ARAP3: variants seen among roughly 807,000 people sequenced by gnomAD.
The protein encoded by ARAP3 is ArfGAP with RhoGAP domain, ankyrin repeat and PH domain 3, also known as arf-GAP with Rho-GAP domain, ANK repeat and PH domain-containing protein 3.
A neutral mutation model predicts 169.2 loss-of-function variants in ARAP3; 82 were observed. The observed-to-expected ratio is 0.48, with a 90% CI of 0.41 to 0.58. The LOEUF (loss-of-function observed/expected upper bound fraction) is 0.58. Ranked by LOEUF, ARAP3 falls within the 20% of genes least tolerant of loss-of-function variation. The pLI is 0.00. For synonymous variants in ARAP3, 791 were observed against 800.3 expected, an observed-to-expected ratio of 0.99 and a Z score of 0.20; for missense variants, 1,764 against 2,018.0, an observed-to-expected ratio of 0.87 and a Z score of 2.41.
At chr5:141,661,641 T>C (rs754950802) in intron 21 of ARAP3, 43 bp downstream of exon 21, 5 of 1,540,052 alleles carry the variant, frequency 3.2e-6, no homozygotes, top group South Asian at 1.1e-5. Flanking sequence ...CAGGGTCAGA[T>C]TGAAGTGAGG....
intron 26 of ARAP3, 35 bp from the exon 27 acceptor site, chr5:141,656,672 C>T (rs1381504272): frequency 3.1e-6 from 5 of 1,613,102 alleles, no homozygotes; most frequent in Non-Finnish European, 4.2e-6. Flanking sequence ...GTGGAGGATG[C>T]TAGGGGAGAG....
At position 141,655,909 on chromosome 5, in the gene ARAP3, T is replaced by C; in HGVS notation, c.3932A>G (p.Asp1311Gly). 1 of 1,613,910 alleles carries C rather than the reference T, an allele frequency of 6.2e-7. No individual in the cohort carries two copies. Among genetic ancestry groups the C allele is most frequent in the Non-Finnish European group, 8.5e-7 (1 of 1,179,898 alleles). The change falls in exon 30 of 33, where the codon GAT becomes GGT. Residue 1311 changes from aspartate (D) to glycine (G), a missense_variant. Transcript: ENST00000239440. ...GCTGGTGGTCCAATCCCACATTTCA[T>C]CCTCGTCAGTGCAGGACAAGTAGCT... ...MHLYLSCTDE[D>G]EMWDWTTSIL...
At position 141,673,633 on chromosome 5, in the gene ARAP3, C is replaced by T; in HGVS notation, c.874G>A (p.Gly292Ser). Residue 292 changes from glycine to serine, a missense_variant, in exon 5 of 33, where the codon GGC (glycine) becomes AGC (serine). Around this residue, in one of 3 missense-constraint regions of ARAP3, gnomAD observed 630 missense variants for 678.7 expected, o/e 0.93. Coordinates refer to ENST00000239440, the MANE Select transcript of ARAP3 (RefSeq NM_022481.6). ...TGAGGGGAGAGCTTGTCTAGCCAGC[C>T]ACTGAGCAGGGGCGTGAGGCGGTCT... ...TADRLTPLLS[G>S]WLDKLSPQGN... The T allele has an allele frequency of 6.2e-7, 1 of 1,614,100 alleles. No homozygotes were observed. Among genetic ancestry groups the T allele is most frequent in the Non-Finnish European group, 8.5e-7 (1 of 1,179,970 alleles).
chr5:141,677,443 T>C (rs1328303999), intron 4 of ARAP3, among the ~76,000 whole-genome samples: 1 of 151,726 alleles, frequency 6.6e-6, no homozygotes, highest in African/African-American at 2.4e-5. Flanking sequence ...CCAGCTCAGA[T>C]GGAAGCCCTC....
intron 17 of ARAP3, among the ~76,000 whole-genome samples, chr5:141,665,996 G>A (rs1460788820): frequency 4.8e-5 from 7 of 147,284 alleles, no homozygotes; most frequent in African/African-American, 1.8e-4. Context: ...TTGAGATCAT[G>A]CCCTTGCACT....
Position 141,671,451 on chromosome 5 carries a change from C to A in ARAP3, c.1855-51G>T, listed in dbSNP as rs771353269. ...AGCCCCAAATCCCAAACTGAGAGCA[C>A]TGGGGACAGTCGTATCATCACTAAA... On this transcript the variant is annotated intron_variant, in intron 12 of 32. Coordinates refer to ENST00000239440, the MANE Select transcript of ARAP3 (RefSeq NM_022481.6). The surrounding 1 kb of genome is among the most constrained non-coding windows in gnomAD (Gnocchi z 4.9). 3 of 1,595,668 alleles carry A rather than the reference C, an allele frequency of 1.9e-6. No homozygotes were observed. The highest frequency in any genetic ancestry group is 1.7e-6 in the Non-Finnish European group (2 of 1,170,116).
chr5:141,678,007 G>A (rs1012737653), intron 4 of ARAP3, among the ~76,000 whole-genome samples: 1 of 151,352 alleles, frequency 6.6e-6, no homozygotes, highest in African/African-American at 2.4e-5. Flanking sequence ...GAGTGCAGCG[G>A]CACAACCTTT....
rs775236778 is a variant in ARAP3, at chr5:141,662,238, C to T, written c.2818G>A (p.Val940Ile). The T allele has an allele frequency of 5.6e-6, 9 of 1,614,000 alleles. No homozygotes were observed. Among genetic ancestry groups the T allele is most frequent in the Non-Finnish European group, 7.6e-6 (9 of 1,180,038 alleles). Residue 940 changes from valine (V) to isoleucine (I), a missense_variant, in exon 20 of 33, where the codon GTA (valine) becomes ATA (isoleucine). By Grantham distance (29) the Val-to-Ile change is conservative. Transcript: ENST00000239440. ...GCACGAGCGCCCCCTTTCCGGTATA[C>T]ACCTTCCAGCCGGAGCCCTGAGGAG... ...VTQHGLRLEGVYRKGGARARS... is the reference protein window; with the variant it reads ...VTQHGLRLEGIYRKGGARARS...
chr5:141,667,302 A>C (rs1183044113), intron 16 of ARAP3, among the ~76,000 whole-genome samples: 1 of 152,152 alleles, frequency 6.6e-6, no homozygotes, highest in Non-Finnish European at 1.5e-5. Flanking sequence ...TCATAGAGGA[A>C]AGGATGTTTG....
chr5:141,679,920 C>T (rs376190269), intron 2 of ARAP3, 43 bp downstream of exon 2: 11 of 1,612,998 alleles, frequency 6.8e-6, no homozygotes, highest in Non-Finnish European at 7.6e-6. Flanking sequence ...CTCTCCTCCC[C>T]ACTCCTCCCA....
At chr5:141,679,512 C>G in intron 4 of ARAP3, 33 bp downstream of exon 4, 4 of 1,600,338 alleles carry the variant, frequency 2.5e-6, no homozygotes, top group Non-Finnish European at 2.6e-6. Flanking sequence ...TCACCTGCTC[C>G]TCCCTCCCAC....
At position 141,670,616 on chromosome 5, in the gene ARAP3, C is replaced by T; in HGVS notation, c.2003G>A (p.Gly668Asp). 6.2e-7 allele frequency: 1 copy of T among 1,613,828 alleles called. No individual in the cohort carries two copies. The highest frequency in any genetic ancestry group is 1.3e-5 in the African/African-American group (1 of 75,028). ...PGLLPSDPSP[G>D]VYNEVVVRAT... ...ACGCACCACCACCTCATTGTACACA[C>T]CAGGGGAGGGGTCTGCAAGGGGAAG... is the stretch of plus-strand genomic sequence containing the variant. Residue 668 changes from glycine (G) to aspartate (D), a missense_variant, in exon 14 of 33, where the codon GGT (glycine) becomes GAT (aspartate). By Grantham distance (94) the Gly-to-Asp change is moderately conservative. Coordinates refer to ENST00000239440, the MANE Select transcript of ARAP3 (RefSeq NM_022481.6).
Position 141,671,988 on chromosome 5 carries a change from G to T in ARAP3, c.1586-8C>A, listed in dbSNP as rs1403705367. The T allele has an allele frequency of 1.9e-6, 3 of 1,613,938 alleles. No homozygotes were observed. Among genetic ancestry groups the T allele is most frequent in the Non-Finnish European group, 2.5e-6 (3 of 1,179,944 alleles). ...CCAGGGCCCGGTGCTGACCTGTGAG[G>T]GTGTGAGGGTGTGTGAGGGTGTGTG... is the stretch of plus-strand genomic sequence containing the variant. On this transcript the variant is annotated splice_region_variant and splice_polypyrimidine_tract_variant and intron_variant, in intron 10 of 32. Transcript: ENST00000239440. The surrounding 1 kb of genome is among the most constrained non-coding windows in gnomAD (Gnocchi z 4.9).
intron 21 of ARAP3, among the ~76,000 whole-genome samples, chr5:141,660,861 T>C (rs1157595935): frequency 1.3e-5 from 2 of 152,200 alleles, no homozygotes; most frequent in East Asian, 3.9e-4. Flanking sequence ...CCCTAACAGA[T>C]TGGTAAAGGT....
At chr5:141,655,537 G>A in intron 31 of ARAP3, 84 bp downstream of exon 31, 1 of 1,605,626 alleles carries the variant, frequency 6.2e-7, no homozygotes, top group Non-Finnish European at 8.5e-7. Context: ...GGTGGCACCA[G>A]GCTAGCAGGC....
At position 141,666,589 on chromosome 5, in the gene ARAP3, C is replaced by A; in HGVS notation, c.2407G>T (p.Gly803Cys). 6.6e-7 allele frequency: 1 copy of A among 1,520,692 alleles called. No homozygotes were observed. The highest frequency in any genetic ancestry group is 1.3e-5 in the South Asian group (1 of 79,604). The allele number at this position is 1,520,692 out of a possible 1,614,324, so 94.2% of individuals were successfully genotyped here. ...GAGGGGGACCGCAGCCATAGGCGGC[C>A]CAGCCGCAGCAGCCCGGGGCCCAGC... Reference protein sequence around the residue: ...QLLGPGLLRLGRLWLRSPSHT... With the variant: ...QLLGPGLLRLCRLWLRSPSHT... The change falls in exon 17 of 33, where the codon GGC becomes TGC. Residue 803 changes from glycine (G) to cysteine (C), a missense_variant. Around this residue, in one of 3 missense-constraint regions of ARAP3, gnomAD observed 1,112 missense variants for 1,285.7 expected, o/e 0.86. Transcript: ENST00000239440.
At position 141,671,472 on chromosome 5, in the gene ARAP3, C is replaced by A; in HGVS notation, c.1855-72G>T. ...AGCACTGGGGACAGTCGTATCATCA[C>A]TAAAAACAGTCCCCACCACCCAAGT... On this transcript the variant is annotated intron_variant, in intron 12 of 32. Transcript: ENST00000239440. The surrounding 1 kb of genome is among the most constrained non-coding windows in gnomAD (Gnocchi z 4.9). 1.3e-6 allele frequency: 2 copies of A among 1,599,920 alleles called. No homozygotes were observed. The highest frequency in any genetic ancestry group is 1.1e-5 in the South Asian group (1 of 88,910).
chr5:141,677,104 G>A (rs1433108759), intron 4 of ARAP3, among the ~76,000 whole-genome samples: 3 of 151,894 alleles, frequency 2.0e-5, no homozygotes, highest in Non-Finnish European at 2.9e-5. Context: ...CAGTAGCCAC[G>A]TTTAAAAAAA....
Position 141,673,403 on chromosome 5 carries a change from T to C in ARAP3, c.970A>G (p.Lys324Glu). The C allele has an allele frequency of 6.2e-7, 1 of 1,613,920 alleles. No individual in the cohort carries two copies. Reference protein sequence around the residue: ...GRSLMYFGSDKDPFPKGVIPL... With the variant: ...GRSLMYFGSDEDPFPKGVIPL... ...CGTCACATCTCCCAGCCCCCCACCT[T>C]GTCACTGCCAAAGTACATCAGACTC... Residue 324 changes from lysine to glutamate, a missense_variant and splice_region_variant, in exon 6 of 33, where the codon AAG becomes GAG. This residue lies in a region of ARAP3 where 630 missense variants were observed against 678.7 expected (regional missense o/e 0.93). Transcript: ENST00000239440.
Sources: allele counts gnomAD v4.1 joint callset (sites outside exome capture counted in the v4.1 genomes callset), GRCh38; gene constraint gnomAD v4.1.1; regional missense constraint gnomAD v4.1.1; non-coding constraint Gnocchi (gnomAD v3.1); transcripts MANE v1.5; gene names NCBI Gene and HGNC (gene_info 2026-07-23, HGNC 2026-07-21).